Variants in ITSN1 observed in about 807,000 individuals in gnomAD.
ITSN1 encodes the protein intersectin-1.
ITSN1 carries 58 observed loss-of-function variants against 239.8 expected under a neutral mutation model. That is an observed-to-expected ratio of 0.24 (90% confidence interval 0.20 to 0.30). The LOEUF (loss-of-function observed/expected upper bound fraction) is 0.30, where lower values mean the gene tolerates loss of function less well. ITSN1 is among the 10% of genes least tolerant of loss of function. The pLI, the probability that ITSN1 is intolerant of heterozygous loss-of-function variation, is 1.00. For missense variants in ITSN1, 1,558 were observed against 2,103.3 expected (o/e 0.74, Z 5.07); for synonymous variants, 780 against 770.8 (o/e 1.01, Z -0.20).
chr21:33,898,604 C>T lies in ITSN1; in HGVS notation c.*10304C>T, dbSNP rs1261120900. On this transcript the variant is annotated 3_prime_UTR_variant, in exon 40 of 40. Transcript: ENST00000381318. ...GGGGGCAACCCCAGGAGTCCAGCCTCCCCTGGCAGCCTGGAAATACTGCAG... is the reference window on the plus strand; with the variant it reads ...GGGGGCAACCCCAGGAGTCCAGCCTTCCCTGGCAGCCTGGAAATACTGCAG... 6.6e-6 allele frequency: 1 copy of T among 152,282 alleles called. No individual in the cohort carries two copies. The highest frequency in any genetic ancestry group is 2.4e-5 in the African/African-American group (1 of 41,458). 9.4% of individuals were successfully genotyped at this position (152,282 alleles called of 1,614,324 possible). A position where few individuals can be genotyped will look rare whatever the true frequency, so the allele number is the denominator to read the frequency against.
chr21:33,738,665 C>T (rs1265056456), intron 5 of ITSN1, among the ~76,000 whole-genome samples: 1 of 152,062 alleles, frequency 6.6e-6, no homozygotes. Context: ...CTCCCAAACT[C>T]CTGGCATTAC....
chr21:33,731,952 A>G lies in ITSN1; in HGVS notation c.186-3092A>G, dbSNP rs571954967. Among the ~76,000 whole-genome samples the G allele has an allele frequency of 2.0e-5, 3 of 152,340 alleles. No homozygotes were observed. The East Asian group carries it at 5.8e-4, about 29-fold the overall frequency. On this transcript the variant is annotated intron_variant, in intron 4 of 39. Coordinates refer to ENST00000381318, the MANE Select transcript of ITSN1 (RefSeq NM_003024.3). The stretch of plus-strand genomic sequence containing the variant: ...TGGTTGGTATATAACATGGTTTTAT[A>G]CATTTTAGGGAGACATAAGACATCA...
chr21:33,845,434 C>T (rs2074962246), intron 29 of ITSN1, among the ~76,000 whole-genome samples: 1 of 152,252 alleles, frequency 6.6e-6, no homozygotes, highest in Middle Eastern at 3.4e-3. Flanking sequence ...ACGCTGCAGG[C>T]AGAGAGCTAT....
At chr21:33,789,310 TG>T (rs1342037481) in intron 16 of ITSN1, among the ~76,000 whole-genome samples, 5 of 152,238 alleles carry the variant, frequency 3.3e-5, no homozygotes, top group African/African-American at 1.2e-4. Context: ...CTGAAATTTC[TG>T]ATGCTGGTAG....
At chr21:33,829,805 A>C in intron 27 of ITSN1, 60 bp downstream of exon 27, 293 of 1,582,456 alleles carry the variant, frequency 1.9e-4, no homozygotes, top group Non-Finnish European at 2.3e-4. Context: ...ACAAAATCTC[A>C]AAGGGACGCT....
At chr21:33,693,645 C>T (rs962213415) in intron 1 of ITSN1, among the ~76,000 whole-genome samples, 3 of 152,220 alleles carry the variant, frequency 2.0e-5, no homozygotes, top group African/African-American at 7.2e-5. Flanking sequence ...GCGTGAGCCA[C>T]TGTACCCAGC....
intron 22 of ITSN1, chr21:33,817,805 T>C (rs2073390647): frequency 4.6e-6 from 2 of 437,744 alleles, no homozygotes; most frequent in African/African-American, 4.1e-5. Flanking sequence ...ATAGGGCCTA[T>C]TTCCCTGGGT....
chr21:33,682,913 T>C (rs984459274), intron 1 of ITSN1, among the ~76,000 whole-genome samples: 1 of 152,222 alleles, frequency 6.6e-6, no homozygotes, highest in African/African-American at 2.4e-5. Context: ...TTATTTGTTA[T>C]GTTGCCAATC....
intron 34 of ITSN1, among the ~76,000 whole-genome samples, chr21:33,877,103 G>C (rs1016302778): frequency 3.9e-5 from 5 of 127,688 alleles, no homozygotes; most frequent in Non-Finnish European, 7.7e-5. Flanking sequence ...ACCCAGGGTG[G>C]AGTGCAGTGG....
Position 33,782,127 on chromosome 21 carries a change from G to T in ITSN1, c.1818G>T (p.Gln606His), listed in dbSNP as rs1418783486. Residue 606 changes from glutamine (Q) to histidine (H), a missense_variant, in exon 16 of 40, where the codon CAG becomes CAT. Physicochemically the swap from Gln to His is conservative, Grantham distance 24. Around this residue, in one of 2 missense-constraint regions of ITSN1, gnomAD observed 982 missense variants for 1,209.9 expected, o/e 0.81. Transcript: ENST00000381318. ...AGGAGATTGATATTTTCAATAATCA[G>T]CTGAAGGTAACTCTTCTATGTGTGC... The part of the protein sequence containing the change: ...KLQEIDIFNN[Q>H]LKELREIHNK... 6.2e-7 allele frequency: 1 copy of T among 1,613,566 alleles called. No homozygotes were observed. The highest frequency in any genetic ancestry group is 1.1e-5 in the South Asian group (1 of 90,978).
At chr21:33,820,634 G>T (rs1282870196) in intron 24 of ITSN1, among the ~76,000 whole-genome samples, 2 of 152,122 alleles carry the variant, frequency 1.3e-5, no homozygotes, top group Admixed American at 6.6e-5. Flanking sequence ...TTTAAAGTAA[G>T]AATTTTTTTT....
chr21:33,692,568 T>C (rs1306118688), intron 1 of ITSN1, among the ~76,000 whole-genome samples: 1 of 152,242 alleles, frequency 6.6e-6, no homozygotes, highest in Non-Finnish European at 1.5e-5. Context: ...ATTTAAAATA[T>C]ATGTGTAAGT....
intron 38 of ITSN1, 71 bp from the exon 39 acceptor site, chr21:33,886,210 TAAAAAA>T: frequency 6.0e-6 from 6 of 1,001,002 alleles, no homozygotes; most frequent in Non-Finnish European, 8.7e-6. Flanking sequence ...AGAATCCATC[TAAAAAA>T]AAAAAAAAAA....
intron 4 of ITSN1, among the ~76,000 whole-genome samples, chr21:33,732,939 C>T (rs1435313822): frequency 2.6e-5 from 4 of 152,002 alleles, no homozygotes; most frequent in Admixed American, 6.6e-5. Context: ...TTTGAACAAC[C>T]GGAAAGATTG....
At chr21:33,678,249 A>G (rs1418125826) in intron 1 of ITSN1, among the ~76,000 whole-genome samples, 2 of 152,216 alleles carry the variant, frequency 1.3e-5, no homozygotes, top group East Asian at 1.9e-4. Flanking sequence ...GTCTTCTCAG[A>G]GAGACTTTCC....
intron 4 of ITSN1, among the ~76,000 whole-genome samples, chr21:33,723,180 G>A (rs114272752): frequency 0.013 from 1,945 of 152,252 alleles, 43 homozygotes; most frequent in African/African-American, 0.043. Flanking sequence ...GGCAAATACA[G>A]TTTTGGATTC....
At position 33,723,824 on chromosome 21, in the gene ITSN1, G is replaced by A. The variant is rs948524708; in HGVS notation, c.185+1173G>A. 4.6e-5 allele frequency among the ~76,000 whole-genome samples: 7 copies of A among 152,220 alleles called. No individual in the cohort carries two copies. The South Asian group carries it at 1.0e-3, about 23-fold the overall frequency. ...TATTGTGGCTCCTGTCACATAATAG[G>A]CCCTCAAAGTAAAACCCAAAAAGGT... On this transcript the variant is annotated intron_variant, in intron 4 of 39. Transcript: ENST00000381318.
At chr21:33,710,950 C>T (rs572567503) in intron 1 of ITSN1, among the ~76,000 whole-genome samples, 13 of 151,862 alleles carry the variant, frequency 8.6e-5, no homozygotes, top group South Asian at 4.2e-4. Flanking sequence ...GGACTACAGG[C>T]GCGTGCTACC....
chr21:33,832,715 A>G (rs892270376), intron 27 of ITSN1, among the ~76,000 whole-genome samples: 10 of 152,104 alleles, frequency 6.6e-5, no homozygotes, highest in African/African-American at 2.2e-4. Context: ...GTAAACATAA[A>G]AGCTTTAGTC....
Sources: allele counts gnomAD v4.1 joint callset (sites outside exome capture counted in the v4.1 genomes callset), GRCh38; gene constraint gnomAD v4.1.1; regional missense constraint gnomAD v4.1.1; transcripts MANE v1.5; gene names NCBI Gene and HGNC (gene_info 2026-07-23, HGNC 2026-07-21).